The following DUSP14 variants were observed in gnomAD, a reference collection of about 807,000 sequenced individuals.
The protein encoded by DUSP14 is dual specificity protein phosphatase 14.
In DUSP14, 5 loss-of-function variants were observed where a neutral mutation model predicts 13.2. The ratio of observed to expected loss-of-function variants is 0.38; its 90% CI spans 0.20 to 0.80. DUSP14 has a LOEUF of 0.80. Ranked by LOEUF, DUSP14 falls within the 30% of genes least tolerant of loss-of-function variation. The probability of loss-of-function intolerance (pLI) is 0.44; values close to 1 mark genes in which losing one functional copy is unlikely to be tolerated. For missense variants in DUSP14, 185 were observed against 264.0 expected, an observed-to-expected ratio of 0.70 and a Z score of 2.07; for synonymous variants, 91 against 103.4, an observed-to-expected ratio of 0.88 and a Z score of 0.73.
rs1396348685 is a variant in DUSP14 at position 37,509,643 on chromosome 17, A to G, written c.-180-1034A>G. On this transcript the variant is annotated intron_variant, in intron 1 of 2. Coordinates refer to ENST00000617516, the MANE Select transcript of DUSP14 (RefSeq NM_007026.4). Reference sequence around the variant, plus strand: ...GGCCTATATATATTTATATGCTATAAATATATAAAAGTCCATTGATAGAAA... The same window carrying G: ...GGCCTATATATATTTATATGCTATAGATATATAAAAGTCCATTGATAGAAA... Among the ~76,000 whole-genome samples, 3 of 152,062 alleles carry G rather than the reference A, an allele frequency of 2.0e-5. No homozygotes were observed. The East Asian group carries it at 5.8e-4, about 29-fold the overall frequency.
chr17:37,512,610 C>CA lies in DUSP14; in HGVS notation c.339dup (p.Gly114ArgfsTer59), dbSNP rs2054197359. 6.2e-7 allele frequency: 1 copy of CA among 1,613,468 alleles called. No homozygotes were observed. Among genetic ancestry groups the CA allele is most frequent in the African/African-American group, 1.3e-5 (1 of 74,916 alleles). ...GGGGCCACCTTGGTGCACTGTGCTG[C>CA]AGGGGTGAGCCGCTCAGCCACGCTG... On this transcript the variant is annotated frameshift_variant, in exon 3 of 3. Coordinates refer to ENST00000617516, the MANE Select transcript of DUSP14 (RefSeq NM_007026.4). LOFTEE classifies it high-confidence loss of function. The surrounding 1 kb of genome is among the most constrained non-coding windows in gnomAD (Gnocchi z 4.8).
At chr17:37,493,174 G>A (rs1421061544) in intron 1 of DUSP14, among the ~76,000 whole-genome samples, 1 of 152,068 alleles carries the variant, frequency 6.6e-6, no homozygotes, top group Non-Finnish European at 1.5e-5. Flanking sequence ...TATTGCCCAG[G>A]CTGGTCTTGA....
chr17:37,502,756 TG>T (rs1653076648), intron 1 of DUSP14, among the ~76,000 whole-genome samples: 1 of 152,174 alleles, frequency 6.6e-6, no homozygotes, highest in Admixed American at 6.5e-5. Flanking sequence ...TGAGCTAGTT[TG>T]GGCTTCCTCA....
At chr17:37,499,668 T>G (rs553047471) in intron 1 of DUSP14, among the ~76,000 whole-genome samples, 2 of 152,238 alleles carry the variant, frequency 1.3e-5, no homozygotes, top group South Asian at 2.1e-4. Flanking sequence ...TAGCTGGGAT[T>G]ATAGGTGCCC....
At chr17:37,509,148 C>T (rs865843964) in intron 1 of DUSP14, among the ~76,000 whole-genome samples, 6,698 of 45,468 alleles carry the variant, frequency 0.15, 1,410 homozygotes, top group East Asian at 0.76. Flanking sequence ...CACACACACA[C>T]ACACACACAC....
In DUSP14 at chr17:37,511,561, A is replaced by G. The variant is rs2054185429; in HGVS notation, c.-92-620A>G. 2.1e-5 allele frequency among the ~76,000 whole-genome samples: 3 copies of G among 142,908 alleles called. No individual in the cohort carries two copies. In the South Asian group the frequency reaches 6.6e-4, roughly 32 times the overall value. The allele number at this position is 142,908 out of a possible 152,430, so 93.8% of individuals were successfully genotyped here. ...CTCCCAAAGTACTGGGATTACAGGC[A>G]TGAGCTACCTCACCTGGCCTTTCCT... On this transcript the variant is annotated intron_variant, in intron 2 of 2. Transcript: ENST00000617516.
rs2054196768 is a variant in DUSP14 at position 37,512,545 on chromosome 17, C to A, written c.273C>A (p.Asp91Glu). The A allele has an allele frequency of 1.2e-6, 2 of 1,614,204 alleles. No homozygotes were observed. Residue 91 changes from aspartate to glutamate, a missense_variant, in exon 3 of 3, where the codon GAC (aspartate) becomes GAA (glutamate). By Grantham distance (45) the Asp-to-Glu change is conservative. Coordinates refer to ENST00000617516, the MANE Select transcript of DUSP14 (RefSeq NM_007026.4). The surrounding 1 kb of genome is among the most constrained non-coding windows in gnomAD (Gnocchi z 4.8). ...ATGCCCCCATTGGACTGTACTTTGACACCGTGGCTGACAAGATCCACAGTG... is the reference window on the plus strand; with the variant it reads ...ATGCCCCCATTGGACTGTACTTTGAAACCGTGGCTGACAAGATCCACAGTG... ...MPHAPIGLYF[D>E]TVADKIHSVS...
intron 1 of DUSP14, among the ~76,000 whole-genome samples, chr17:37,503,550 T>C (rs1479629024): frequency 1.3e-5 from 2 of 152,240 alleles, no homozygotes; most frequent in Non-Finnish European, 2.9e-5. Flanking sequence ...GTTGACCGCA[T>C]TATATAAACT....
intron 1 of DUSP14, among the ~76,000 whole-genome samples, chr17:37,491,311 C>A (rs2054026728): frequency 6.6e-6 from 1 of 152,168 alleles, no homozygotes; most frequent in Non-Finnish European, 1.5e-5. Context: ...GCCAGAGACG[C>A]CTGAGAATTC....
chr17:37,504,397 G>C (rs982629105), intron 1 of DUSP14, among the ~76,000 whole-genome samples: 2 of 152,140 alleles, frequency 1.3e-5, no homozygotes, highest in African/African-American at 4.8e-5. Flanking sequence ...TGTATCTTAT[G>C]TGTATTTATC....
chr17:37,492,513 A>G (rs752979611), intron 1 of DUSP14, among the ~76,000 whole-genome samples: 1 of 152,204 alleles, frequency 6.6e-6, no homozygotes, highest in African/African-American at 2.4e-5. Flanking sequence ...GGATTTATAT[A>G]TTATACATTT....
chr17:37,512,969 C>A lies in DUSP14; in HGVS notation c.*100C>A. ...CTTCTCAAATGGCTGACTTCTGGTT[C>A]TCCCTCAAGTGTTTTTTACACTGGG... On this transcript the variant is annotated 3_prime_UTR_variant, in exon 3 of 3. Coordinates refer to ENST00000617516, the MANE Select transcript of DUSP14 (RefSeq NM_007026.4). The surrounding 1 kb of genome is among the most constrained non-coding windows in gnomAD (Gnocchi z 4.8). The A allele has an allele frequency of 9.6e-7, 1 of 1,040,078 alleles. No individual in the cohort carries two copies. The highest frequency in any genetic ancestry group is 1.4e-6 in the Non-Finnish European group (1 of 703,048). 64.4% of individuals were successfully genotyped at this position (1,040,078 alleles called of 1,614,324 possible).
chr17:37,509,065 T>C (rs1356682803), intron 1 of DUSP14, among the ~76,000 whole-genome samples: 6 of 111,336 alleles, frequency 5.4e-5, no homozygotes, highest in Non-Finnish European at 1.0e-4. Flanking sequence ...GTCTAAGTTA[T>C]GCAGAGTGAA....
chr17:37,492,425 G>A (rs1435188584), intron 1 of DUSP14, among the ~76,000 whole-genome samples: 2 of 152,220 alleles, frequency 1.3e-5, no homozygotes, highest in African/African-American at 4.8e-5. Context: ...ACAAAGGAAA[G>A]TGTTAATGTG....
intron 1 of DUSP14, among the ~76,000 whole-genome samples, chr17:37,509,293 A>G (rs1297278497): frequency 1.4e-3 from 36 of 25,060 alleles, no homozygotes; most frequent in African/African-American, 3.7e-3. Context: ...ATATATATAT[A>G]TATAGTGTGT....
Position 37,512,222 on chromosome 17 carries a change from A to G in DUSP14, c.-51A>G. The stretch of plus-strand genomic sequence containing the variant: ...TTGGATTCCTTGGTGGAGGAAAATA[A>G]AACACTCTGGTCTTGCCGCCAACGA... On this transcript the variant is annotated 5_prime_UTR_variant, in exon 3 of 3. Coordinates refer to ENST00000617516, the MANE Select transcript of DUSP14 (RefSeq NM_007026.4). This position sits in a 1 kb window ranked among gnomAD's most constrained non-coding sequence, Gnocchi z 4.8. The G allele has an allele frequency of 1.3e-6, 2 of 1,493,358 alleles. No individual in the cohort carries two copies. Among genetic ancestry groups the G allele is most frequent in the South Asian group, 1.3e-5 (1 of 76,564 alleles). 92.5% of individuals were successfully genotyped at this position (1,493,358 alleles called of 1,614,324 possible).
At chr17:37,503,256 C>A (rs1275597934) in intron 1 of DUSP14, among the ~76,000 whole-genome samples, 1 of 152,116 alleles carries the variant, frequency 6.6e-6, no homozygotes, top group African/African-American at 2.4e-5. Flanking sequence ...GAAACCCTGT[C>A]TCTATAAAAA....
chr17:37,493,646 A>C (rs892898405), intron 1 of DUSP14, among the ~76,000 whole-genome samples: 1 of 151,404 alleles, frequency 6.6e-6, no homozygotes, highest in African/African-American at 2.4e-5. Context: ...TGGTTGACAA[A>C]TATCTAATGG....
intron 1 of DUSP14, among the ~76,000 whole-genome samples, chr17:37,497,433 G>A (rs916341603): frequency 3.9e-5 from 6 of 151,962 alleles, no homozygotes; most frequent in East Asian, 2.0e-4. Context: ...GCGCTACCGC[G>A]CCCTGCCTTC....
Sources: allele counts gnomAD v4.1 joint callset (sites outside exome capture counted in the v4.1 genomes callset), GRCh38; gene constraint gnomAD v4.1.1; non-coding constraint Gnocchi (gnomAD v3.1); transcripts MANE v1.5; gene names NCBI Gene and HGNC (gene_info 2026-07-23, HGNC 2026-07-21).